LMBR1: variants seen among roughly 807,000 people sequenced by gnomAD.
LMBR1 encodes the protein limb development membrane protein 1.
A neutral mutation model predicts 73.9 loss-of-function variants in LMBR1; 52 were observed. The observed-to-expected ratio is 0.70, with a 90% CI of 0.56 to 0.89. The LOEUF is 0.89. Among genes scored for constraint, LMBR1 ranks in the 40% least tolerant of loss-of-function variants. The probability of loss-of-function intolerance (pLI) is 0.00; values close to 1 mark genes in which losing one functional copy is unlikely to be tolerated. For synonymous variants in LMBR1, 215 were observed against 209.4 expected, an observed-to-expected ratio of 1.03 and a Z score of -0.23; for missense variants, 539 against 579.8, an observed-to-expected ratio of 0.93 and a Z score of 0.72.
At chr7:156,813,950 ATATT>A in intron 4 of LMBR1, among the ~76,000 whole-genome samples, 1 of 152,150 alleles carries the variant, frequency 6.6e-6, no homozygotes, top group African/African-American at 2.4e-5. Context: ...ACTAAAATAC[ATATT>A]TATTTCAATA....
rs541297018 is a variant in LMBR1 at position 156,779,890 on chromosome 7, A to G, written c.424-16095T>C. 3.3e-5 allele frequency among the ~76,000 whole-genome samples: 5 copies of G among 152,360 alleles called. No homozygotes were observed. In the South Asian group the frequency reaches 8.3e-4, roughly 25 times the overall value. On this transcript the variant is annotated intron_variant, in intron 5 of 16. Transcript: ENST00000353442. The stretch of plus-strand genomic sequence containing the variant: ...AGTAACATTAAAATAAGGTTTGCTC[A>G]GCATGGCATCAAGATTGCACCAAAC...
At chr7:156,746,307 C>T (rs898949343) in intron 9 of LMBR1, among the ~76,000 whole-genome samples, 6 of 152,030 alleles carry the variant, frequency 3.9e-5, no homozygotes, top group African/African-American at 2.4e-5. Flanking sequence ...TGGTAACCAG[C>T]TGAAGGGTAG....
At chr7:156,793,258 A>G (rs1829537924) in intron 5 of LMBR1, among the ~76,000 whole-genome samples, 1 of 152,252 alleles carries the variant, frequency 6.6e-6, no homozygotes, top group Non-Finnish European at 1.5e-5. Context: ...AAATGATTCT[A>G]GACTACAGAA....
chr7:156,791,355 T>C lies in LMBR1; in HGVS notation c.423+5034A>G, dbSNP rs1044608988. Among the ~76,000 whole-genome samples, 17 of 152,110 alleles carry C rather than the reference T, an allele frequency of 1.1e-4. No homozygotes were observed. The highest frequency in any genetic ancestry group is 3.9e-4 in the African/African-American group (16 of 41,416). ...AAAACGAGCAAAAATAATGAAAGAA[T>C]GCAATGAAAGCTCGTGGAGACAGAG... On this transcript the variant is annotated intron_variant, in intron 5 of 16. Coordinates refer to ENST00000353442, the MANE Select transcript of LMBR1 (RefSeq NM_022458.4).
intron 5 of LMBR1, 96 bp from the exon 6 acceptor site, chr7:156,763,891 A>G: frequency 2.2e-6 from 2 of 915,702 alleles, no homozygotes; most frequent in South Asian, 2.9e-5. Flanking sequence ...AATCCCTTGG[A>G]AGGAGAGGAA....
At chr7:156,711,042 G>T (rs1442241975) in intron 15 of LMBR1, among the ~76,000 whole-genome samples, 1 of 152,202 alleles carries the variant, frequency 6.6e-6, no homozygotes, top group African/African-American at 2.4e-5. Flanking sequence ...TGGATACAGT[G>T]GCTCACGCCT....
At chr7:156,762,579 T>C (rs868037414) in intron 7 of LMBR1, among the ~76,000 whole-genome samples, 1 of 152,218 alleles carries the variant, frequency 6.6e-6, no homozygotes, top group African/African-American at 2.4e-5. Flanking sequence ...TATCTAAAGG[T>C]GACAACCATA....
intron 1 of LMBR1, among the ~76,000 whole-genome samples, chr7:156,891,227 T>TACACAC (rs1435983553): frequency 1.2e-5 from 1 of 80,870 alleles, no homozygotes; most frequent in Non-Finnish European, 2.3e-5. Flanking sequence ...TATATATATA[T>TACACAC]ATATATACAC....
At chr7:156,783,541 C>T (rs932575722) in intron 5 of LMBR1, among the ~76,000 whole-genome samples, 10 of 152,022 alleles carry the variant, frequency 6.6e-5, no homozygotes, top group Admixed American at 3.9e-4. Context: ...AAATATCATT[C>T]GTTAGATTTA....
At chr7:156,832,031 G>T (rs1836786375) in intron 3 of LMBR1, among the ~76,000 whole-genome samples, 1 of 152,152 alleles carries the variant, frequency 6.6e-6, no homozygotes, top group South Asian at 2.1e-4. Context: ...GGAAAAAAAT[G>T]ATTCACTTAA....
intron 9 of LMBR1, among the ~76,000 whole-genome samples, chr7:156,754,312 T>C (rs991968745): frequency 7.2e-5 from 11 of 152,130 alleles, no homozygotes; most frequent in African/African-American, 2.7e-4. Flanking sequence ...AGTATGAAAA[T>C]TCAACTCTAG....
chr7:156,823,537 G>T (rs1019356154), intron 4 of LMBR1: 1 of 152,178 alleles, frequency 6.6e-6, no homozygotes, highest in African/African-American at 2.4e-5. Context: ...AGAGGACAGG[G>T]TGGGTTTGGT....
chr7:156,695,010 C>T (rs544482700), intron 15 of LMBR1, among the ~76,000 whole-genome samples: 2 of 152,292 alleles, frequency 1.3e-5, no homozygotes, highest in South Asian at 4.1e-4. Flanking sequence ...AGATTCAATA[C>T]AATCCCAGTC....
At chr7:156,686,946 G>A (rs889511086) in intron 16 of LMBR1, among the ~76,000 whole-genome samples, 1 of 152,228 alleles carries the variant, frequency 6.6e-6, no homozygotes, top group African/African-American at 2.4e-5. Flanking sequence ...TGGTGTGTCA[G>A]CTGAAATGAG....
At chr7:156,676,236 T>A (rs1031148134), downstream of LMBR1, 1 of 1,490,604 alleles carries the variant, frequency 6.7e-7, no homozygotes, top group African/African-American at 1.8e-5. Flanking sequence ...TAACAGAGTA[T>A]ATGTGTGTGT....
intron 9 of LMBR1, among the ~76,000 whole-genome samples, chr7:156,734,936 A>G (rs1817568386): frequency 6.6e-6 from 1 of 152,192 alleles, no homozygotes. Flanking sequence ...GGTCAGACCT[A>G]TTACTTTACC....
At chr7:156,736,563 T>A (rs1375646029) in intron 9 of LMBR1, 8 of 456,976 alleles carry the variant, frequency 1.8e-5, no homozygotes, top group African/African-American at 8.0e-5. Context: ...CTTGTTCTTC[T>A]GGCACTTGTC....
At chr7:156,824,549 G>A (rs1239172996) in intron 4 of LMBR1, among the ~76,000 whole-genome samples, 3 of 152,042 alleles carry the variant, frequency 2.0e-5, no homozygotes, top group Admixed American at 1.3e-4. Context: ...AAGTAATCAC[G>A]TGTCACACAT....
At chr7:156,687,257 G>A (rs544482487) in intron 16 of LMBR1, among the ~76,000 whole-genome samples, 9 of 152,160 alleles carry the variant, frequency 5.9e-5, no homozygotes, top group Non-Finnish European at 1.2e-4. Flanking sequence ...AGGTAAATGA[G>A]CTAATGTCAG....
Sources: allele counts gnomAD v4.1 joint callset (sites outside exome capture counted in the v4.1 genomes callset), GRCh38; gene constraint gnomAD v4.1.1; transcripts MANE v1.5; gene names NCBI Gene and HGNC (gene_info 2026-07-23, HGNC 2026-07-21).